F8: variants seen among roughly 807,000 people sequenced by gnomAD.
F8 encodes antihemophilic factor.
A neutral mutation model predicts 140.6 loss-of-function variants in F8; 12 were observed. That is an observed-to-expected ratio of 0.09 (90% CI 0.05 to 0.14). F8 has a LOEUF of 0.14. Among genes scored for constraint, F8 ranks in the 10% least tolerant of loss-of-function variants. F8 has a pLI of 1.00. For synonymous variants in F8, 585 were observed against 614.6 expected (o/e 0.95, Z 0.71); for missense variants, 1,354 against 1,720.7 (o/e 0.79, Z 3.77).
In F8 at chrX:154,972,707, CTTTTTTTTTTTT is replaced by C. The variant is rs1184930129; in HGVS notation, c.788-3167_788-3156del. Reference sequence around the variant, plus strand: ...GTTCTTTTCTTTTCTTTCTGTCTTTCTTTTTTTTTTTTTTTTTTTTTTTTTTGAGACAGAGTC... The same window carrying C: ...GTTCTTTTCTTTTCTTTCTGTCTTTCTTTTTTTTTTTTTTGAGACAGAGTC... On this transcript the variant is annotated intron_variant, in intron 6 of 25. Coordinates refer to ENST00000360256, the MANE Select transcript of F8 (RefSeq NM_000132.4). Among the ~76,000 whole-genome samples the C allele has an allele frequency of 5.4e-5, 3 of 55,281 alleles. No individual in the cohort carries two copies. In the South Asian group the frequency reaches 3.8e-3, roughly 69 times the overall value. 48.0% of individuals were successfully genotyped at this position (55,281 alleles called of 115,157 possible).
At chrX:154,912,026 T>C (rs1055988543) in intron 14 of F8, among the ~76,000 whole-genome samples, 1 of 112,251 alleles carries the variant, frequency 8.9e-6, no homozygotes, top group African/African-American at 3.2e-5. Flanking sequence ...TTCAGATCTT[T>C]GTTCATTTTT....
chrX:154,959,228 TA>T (rs201186167), intron 10 of F8, among the ~76,000 whole-genome samples: 4 of 108,964 alleles, frequency 3.7e-5, no homozygotes, highest in African/African-American at 1.3e-4. Flanking sequence ...ATAAAAATAA[TA>T]AAAAAAATTA....
At chrX:154,993,760 T>C (rs2073601899) in intron 3 of F8, among the ~76,000 whole-genome samples, 1 of 112,356 alleles carries the variant, frequency 8.9e-6, no homozygotes, top group African/African-American at 3.2e-5. Context: ...AAATACACTT[T>C]GTCACAGACT....
intron 9 of F8, chrX:154,965,678 C>T (rs1438218822): frequency 1.1e-5 from 3 of 272,724 alleles, no homozygotes; most frequent in African/African-American, 8.4e-5. Context: ...GTTCACAGGC[C>T]ATAGTCTGCT....
chrX:154,862,561 C>A (rs1433514661), intron 23 of F8, among the ~76,000 whole-genome samples: 1 of 110,773 alleles, frequency 9.0e-6, no homozygotes, highest in Non-Finnish European at 1.9e-5. Context: ...CCCTCCCAAC[C>A]TCTCCCCTCC....
intron 25 of F8, among the ~76,000 whole-genome samples, chrX:154,841,296 A>G (rs1394035021): frequency 1.0e-5 from 1 of 99,982 alleles, no homozygotes; most frequent in Non-Finnish European, 2.0e-5. Flanking sequence ...ACTTGTAAAT[A>G]TAAACTTATA....
At position 154,996,786 on chromosome X, in the gene F8, T is replaced by C. The variant is rs184841325; in HGVS notation, c.388+187A>G. 2.7e-5 allele frequency among the ~76,000 whole-genome samples: 3 copies of C among 112,241 alleles called. No individual in the cohort carries two copies. In the Admixed American group the frequency reaches 2.8e-4, roughly 11 times the overall value. On this transcript the variant is annotated intron_variant, in intron 3 of 25. Coordinates refer to ENST00000360256, the MANE Select transcript of F8 (RefSeq NM_000132.4). ...ATAGGGTAGGCAATATGTTATATGCTAAGGACACAGCAATAAATAAGATGG... is the reference window on the plus strand; with the variant it reads ...ATAGGGTAGGCAATATGTTATATGCCAAGGACACAGCAATAAATAAGATGG...
chrX:154,982,011 C>T (rs1557283652), intron 6 of F8, among the ~76,000 whole-genome samples: 5 of 109,974 alleles, frequency 4.5e-5, no homozygotes, highest in Non-Finnish European at 5.7e-5. Flanking sequence ...TGGTGAAACC[C>T]CATCTCTACT....
chrX:154,852,878 C>CA (rs1379542539), intron 25 of F8, among the ~76,000 whole-genome samples: 4 of 111,362 alleles, frequency 3.6e-5, no homozygotes, highest in Middle Eastern at 4.6e-3. Context: ...CGTCTCAAAT[C>CA]AAAAAACAAA....
In F8 at chrX:154,848,197, C is replaced by T. The variant is rs781840425; in HGVS notation, c.6901-10445G>A. 1.9e-4 allele frequency among the ~76,000 whole-genome samples: 22 copies of T among 112,956 alleles called. No homozygotes were observed. The South Asian group carries it at 8.0e-3, about 41-fold the overall frequency. ...TGTGTGAGGTGTCAGTCTGCCCCTA[C>T]TGGGGCGTGCCTCCCAGTTAGGCTA... On this transcript the variant is annotated intron_variant, in intron 25 of 25. Transcript: ENST00000360256.
chrX:154,964,508 A>G (rs1393812613), intron 9 of F8, among the ~76,000 whole-genome samples: 4 of 112,055 alleles, frequency 3.6e-5, no homozygotes, highest in South Asian at 3.7e-4. Flanking sequence ...TCATTAAAAC[A>G]GGGTGGTAAC....
At chrX:154,954,646 A>G (rs933105525) in intron 11 of F8, among the ~76,000 whole-genome samples, 2 of 112,139 alleles carry the variant, frequency 1.8e-5, no homozygotes, top group African/African-American at 3.2e-5. Context: ...GTCGCTTGCT[A>G]ATTGGATCTG....
Position 154,999,743 on chromosome X carries a change from C to T in F8, c.144-143G>A, listed in dbSNP as rs149729367. ...TATAAATCCCTAACATCCATTAAAC[C>T]GAAACACTGTTTTCACAACTCAACT... On this transcript the variant is annotated intron_variant, in intron 1 of 25. Coordinates refer to ENST00000360256, the MANE Select transcript of F8 (RefSeq NM_000132.4). 1.5e-4 allele frequency: 102 copies of T among 666,461 alleles called. No individual in the cohort carries two copies. In the African/African-American group the frequency reaches 1.8e-3, roughly 12 times the overall value. 54.9% of individuals were successfully genotyped at this position (666,461 alleles called of 1,213,427 possible).
intron 25 of F8, among the ~76,000 whole-genome samples, chrX:154,839,973 C>T (rs190445045): frequency 6.2e-5 from 7 of 112,125 alleles, no homozygotes; most frequent in East Asian, 2.8e-4. Flanking sequence ...CAAATGTTTA[C>T]GCTGTATTTG....
intron 25 of F8, among the ~76,000 whole-genome samples, chrX:154,844,989 T>A (rs1279989578): frequency 9.0e-6 from 1 of 111,006 alleles, no homozygotes; most frequent in African/African-American, 3.3e-5. Context: ...TTATTGAGAG[T>A]TTTTAGCATG....
intron 22 of F8, among the ~76,000 whole-genome samples, chrX:154,870,410 A>G (rs1470085325): frequency 8.9e-6 from 1 of 112,005 alleles, no homozygotes; most frequent in Non-Finnish European, 1.9e-5. Flanking sequence ...ATCAATAAAC[A>G]TAATCCATCA....
intron 12 of F8, among the ~76,000 whole-genome samples, chrX:154,949,963 C>A (rs1330199721): frequency 9.0e-6 from 1 of 111,027 alleles, no homozygotes; most frequent in Non-Finnish European, 1.9e-5. Context: ...GATGGGGTTT[C>A]ACCATGTTGG....
intron 13 of F8, among the ~76,000 whole-genome samples, chrX:154,945,625 G>A (rs1364885795): frequency 4.5e-5 from 5 of 111,695 alleles, no homozygotes; most frequent in Admixed American, 1.9e-4. Context: ...GACAAACTAC[G>A]GCTAATATCA....
intron 9 of F8, among the ~76,000 whole-genome samples, chrX:154,962,904 G>GAA (rs1173868124): frequency 5.5e-5 from 6 of 109,564 alleles, no homozygotes; most frequent in African/African-American, 2.0e-4. Flanking sequence ...GAGAGAGAGA[G>GAA]AGAGAGAGAG....
Sources: gnomAD v4.1 joint callset for allele counts (sites outside exome capture counted in the v4.1 genomes callset) on GRCh38, gnomAD v4.1.1 for gene constraint, MANE v1.5 for transcripts, NCBI Gene and HGNC (gene_info 2026-07-23, HGNC 2026-07-21) for gene names.